The following NRXN1 variants were observed in gnomAD, a reference collection of about 807,000 sequenced individuals.
The protein encoded by NRXN1 is neurexin 1, also known as neurexin-1.
Under a neutral mutation model 150.9 loss-of-function variants are expected in NRXN1, and 39 were observed. The observed-to-expected ratio is 0.26, with a 90% CI of 0.20 to 0.34. NRXN1 has a LOEUF of 0.34. Among genes scored for constraint, NRXN1 ranks in the 10% least tolerant of loss-of-function variants. The pLI is 1.00. For missense variants in NRXN1, 1,815 were observed against 1,949.9 expected (o/e 0.93, Z 1.30); for synonymous variants, 924 against 757.0 (o/e 1.22, Z -3.62).
chr2:50,438,515 C>T lies in NRXN1; in HGVS notation c.3364+26927G>A, dbSNP rs1034905442. ...CAGGCTACTGCTTAAGCACAGATGT[C>T]ACTTTATTGTGTCAACTTGGAAATG... On this transcript the variant is annotated intron_variant, in intron 17 of 22. Transcript: ENST00000401669. 3.3e-5 allele frequency among the ~76,000 whole-genome samples: 5 copies of T among 152,344 alleles called. No individual in the cohort carries two copies. The East Asian group carries it at 9.6e-4, about 29-fold the overall frequency.
intron 5 of NRXN1, among the ~76,000 whole-genome samples, chr2:50,776,558 A>C (rs1212158841): frequency 6.6e-6 from 1 of 151,526 alleles, no homozygotes; most frequent in Non-Finnish European, 1.5e-5. Flanking sequence ...ACTTTAACAA[A>C]ATCTAATGTG....
chr2:50,867,909 G>C (rs1206567234), intron 5 of NRXN1, among the ~76,000 whole-genome samples: 1 of 151,458 alleles, frequency 6.6e-6, no homozygotes, highest in Non-Finnish European at 1.5e-5. Flanking sequence ...TTTCACTGTA[G>C]AACAAGATGC....
chr2:50,683,646 A>AAAAAAAAATATATATATATAT, intron 5 of NRXN1, among the ~76,000 whole-genome samples: 2 of 14,904 alleles, frequency 1.3e-4, no homozygotes, highest in African/African-American at 7.2e-4. Flanking sequence ...AAAAAAAAAA[A>AAAAAAAAATATATATATATAT]ATATATATAT....
intron 2 of NRXN1, among the ~76,000 whole-genome samples, chr2:51,000,130 C>A (rs1312826938): frequency 6.6e-6 from 1 of 151,948 alleles, no homozygotes; most frequent in Non-Finnish European, 1.5e-5. Flanking sequence ...TTCAAGCACA[C>A]CTCCACTTCA....
chr2:50,709,502 T>C (rs946348692), intron 5 of NRXN1, among the ~76,000 whole-genome samples: 4 of 152,162 alleles, frequency 2.6e-5, no homozygotes, highest in South Asian at 4.1e-4. Context: ...ATATAACCTA[T>C]CATCCAAACT....
intron 5 of NRXN1, among the ~76,000 whole-genome samples, chr2:50,772,755 G>A (rs1021068320): frequency 2.0e-5 from 3 of 152,012 alleles, no homozygotes; most frequent in African/African-American, 7.2e-5. Flanking sequence ...TCCACACAGA[G>A]GTAACTTTCC....
At chr2:50,473,059 T>G (rs1356101694) in intron 15 of NRXN1, among the ~76,000 whole-genome samples, 1 of 151,928 alleles carries the variant, frequency 6.6e-6, no homozygotes, top group Non-Finnish European at 1.5e-5. Context: ...AGTAAATTTC[T>G]TCTTGTATCT....
intron 22 of NRXN1, among the ~76,000 whole-genome samples, chr2:49,940,161 G>A (rs1671726794): frequency 6.6e-6 from 1 of 151,934 alleles, no homozygotes; most frequent in Non-Finnish European, 1.5e-5. Flanking sequence ...GGGAGAGTGA[G>A]GTACTCAGAA....
At chr2:50,558,637 A>G (rs1668590333) in intron 8 of NRXN1, among the ~76,000 whole-genome samples, 1 of 152,200 alleles carries the variant, frequency 6.6e-6, no homozygotes, top group South Asian at 2.1e-4. Flanking sequence ...CAGGTATGTC[A>G]TTTAGAATGT....
At chr2:50,289,021 C>T (rs546379382) in intron 17 of NRXN1, among the ~76,000 whole-genome samples, 4 of 152,146 alleles carry the variant, frequency 2.6e-5, no homozygotes, top group South Asian at 4.2e-4. Flanking sequence ...GGGCAATTCC[C>T]GGGTTTCTGC....
intron 17 of NRXN1, among the ~76,000 whole-genome samples, chr2:50,425,261 G>A (rs938838713): frequency 5.3e-5 from 8 of 152,166 alleles, no homozygotes; most frequent in African/African-American, 1.9e-4. Flanking sequence ...ACTTTATACT[G>A]GAACAAGCTC....
chr2:50,923,014 G>A (rs144474026), intron 3 of NRXN1, among the ~76,000 whole-genome samples: 114 of 151,888 alleles, frequency 7.5e-4, no homozygotes, highest in African/African-American at 2.6e-3. Context: ...CCTTTAATGA[G>A]ACTGTTTTGC....
rs78179388 is a variant in NRXN1 at position 50,446,855 on chromosome 2, A to G, written c.3364+18587T>C. Reference sequence around the variant, plus strand: ...CAAAAATGATTTAAACCTGCCAACAAATTTAGATGTTAAGTACTTATTCAA... The same window carrying G: ...CAAAAATGATTTAAACCTGCCAACAGATTTAGATGTTAAGTACTTATTCAA... On this transcript the variant is annotated intron_variant, in intron 17 of 22. Coordinates refer to ENST00000401669, the MANE Select transcript of NRXN1 (RefSeq NM_001330078.2). Among the ~76,000 whole-genome samples the G allele has an allele frequency of 0.028, 4,253 of 152,106 alleles. 412 individuals carry two copies. In the East Asian group the frequency reaches 0.3, roughly 11 times the overall value.
In NRXN1 at chr2:50,037,418, A is replaced by G. The variant is rs879581935; in HGVS notation, c.4128+15853T>C. Among the ~76,000 whole-genome samples, 5 of 152,172 alleles carry G rather than the reference A, an allele frequency of 3.3e-5. No homozygotes were observed. In the East Asian group the frequency reaches 7.7e-4, roughly 23 times the overall value. On this transcript the variant is annotated intron_variant, in intron 21 of 22. Transcript: ENST00000401669. ...CTAACACTACTTTAATATCTCACTA[A>G]TATTTCTATTCCTTACTCCCTGGAA... is the stretch of plus-strand genomic sequence containing the variant.
chr2:50,003,083 C>T (rs963799889), intron 21 of NRXN1, among the ~76,000 whole-genome samples: 8 of 151,974 alleles, frequency 5.3e-5, no homozygotes, highest in African/African-American at 1.5e-4. Flanking sequence ...TTAGACAACT[C>T]CTATATAAAA....
At chr2:50,176,926 C>G (rs554842475) in intron 18 of NRXN1, among the ~76,000 whole-genome samples, 1 of 151,952 alleles carries the variant, frequency 6.6e-6, no homozygotes. Flanking sequence ...CATAAGAACA[C>G]CACACATAAA....
chr2:50,774,155 C>G (rs1703328280), intron 5 of NRXN1, among the ~76,000 whole-genome samples: 1 of 152,062 alleles, frequency 6.6e-6, no homozygotes, highest in Admixed American at 6.6e-5. Context: ...CACATTTGTT[C>G]CCTTTAATGA....
In NRXN1 at chr2:50,736,774, T is replaced by C. The variant is rs377474318; in HGVS notation, c.833-113159A>G. On this transcript the variant is annotated intron_variant, in intron 5 of 22. Transcript: ENST00000401669. ...AACTTTTTCTTTATAAATTACCCAG[T>C]CCTGGGTATGCCTTTATCAGGAGCG... Among the ~76,000 whole-genome samples, 10 of 152,214 alleles carry C rather than the reference T, an allele frequency of 6.6e-5. No homozygotes were observed. In the East Asian group the frequency reaches 7.7e-4, roughly 12 times the overall value.
In NRXN1 at chr2:50,234,886, C is replaced by T. The variant is rs1483950534; in HGVS notation, c.3546+1903G>A. 5.3e-5 allele frequency among the ~76,000 whole-genome samples: 8 copies of T among 152,044 alleles called. No homozygotes were observed. The East Asian group carries it at 5.8e-4, about 11-fold the overall frequency. On this transcript the variant is annotated intron_variant, in intron 18 of 22. Transcript: ENST00000401669. ...CGTAAAGGAGATATGGAGGGTATTA[C>T]GCTAGAATGGACGCCGAGAAAGTCA...
Sources: gnomAD v4.1 joint callset for allele counts (sites outside exome capture counted in the v4.1 genomes callset) on GRCh38, gnomAD v4.1.1 for gene constraint, MANE v1.5 for transcripts, NCBI Gene and HGNC (gene_info 2026-07-23, HGNC 2026-07-21) for gene names.